DPP10: variants seen among roughly 807,000 people sequenced by gnomAD.
The protein encoded by DPP10 is inactive dipeptidyl peptidase 10.
Under a neutral mutation model 120.9 loss-of-function variants are expected in DPP10, and 33 were observed. That is an observed-to-expected ratio of 0.27 (90% CI 0.21 to 0.37). The LOEUF is 0.37. Among genes scored for constraint, DPP10 ranks in the 10% least tolerant of loss-of-function variants. The pLI is 1.00. For missense variants in DPP10, 816 were observed against 942.8 expected, an observed-to-expected ratio of 0.87 and a Z score of 1.76; for synonymous variants, 337 against 326.1, an observed-to-expected ratio of 1.03 and a Z score of -0.36.
chr2:115,689,924 A>G lies in DPP10; in HGVS notation c.576+3A>G. ...GGGGTGTCCAAGGGCAGCAGCTGGT[A>G]AGCGCAGGCATTGGTATGCACTGAA... On this transcript the variant is annotated splice_donor_region_variant and intron_variant, in intron 7 of 25. Coordinates refer to ENST00000410059, the MANE Select transcript of DPP10 (RefSeq NM_020868.6). 1 of 1,613,840 alleles carries G rather than the reference A, an allele frequency of 6.2e-7. No individual in the cohort carries two copies. The highest frequency in any genetic ancestry group is 8.5e-7 in the Non-Finnish European group (1 of 1,179,898).
chr2:114,828,489 T>C (rs2106385187), intron 1 of DPP10: 1 of 152,334 alleles, frequency 6.6e-6, no homozygotes, highest in African/African-American at 2.4e-5. Flanking sequence ...ATGCTTGTGG[T>C]AGAACTACAA....
intron 5 of DPP10, among the ~76,000 whole-genome samples, chr2:115,562,396 A>G (rs2080746100): frequency 6.6e-6 from 1 of 152,162 alleles, no homozygotes; most frequent in African/African-American, 2.4e-5. Context: ...TCAGATGATC[A>G]TTTAAAGGTT....
intron 1 of DPP10, among the ~76,000 whole-genome samples, chr2:115,291,879 T>G (rs1232805761): frequency 1.3e-5 from 2 of 152,092 alleles, no homozygotes; most frequent in Non-Finnish European, 2.9e-5. Context: ...AAAAATCTAT[T>G]ACATGGTTTA....
chr2:115,416,191 CA>C (rs1254339846), intron 3 of DPP10, among the ~76,000 whole-genome samples: 2 of 152,152 alleles, frequency 1.3e-5, no homozygotes, highest in African/African-American at 4.8e-5. Flanking sequence ...GGCTGTCAAG[CA>C]GACATTTTTC....
At chr2:115,298,233 GA>G (rs1252035308) in intron 1 of DPP10, among the ~76,000 whole-genome samples, 1 of 152,034 alleles carries the variant, frequency 6.6e-6, no homozygotes. Context: ...AACACGTATG[GA>G]GGAAGATTCA....
At chr2:115,460,963 T>G (rs2105069956) in intron 3 of DPP10, among the ~76,000 whole-genome samples, 1 of 152,290 alleles carries the variant, frequency 6.6e-6, no homozygotes, top group Non-Finnish European at 1.5e-5. Context: ...CTCGTTATAT[T>G]TCAGAGTTAT....
intron 1 of DPP10, among the ~76,000 whole-genome samples, chr2:115,221,754 G>GTTTTTTTTTTTT (rs56077672): frequency 6.6e-4 from 79 of 120,136 alleles, no homozygotes; most frequent in Non-Finnish European, 1.1e-3. Context: ...GTTTGTTTCT[G>GTTTTTTTTTTTT]TTTTTTTTTT....
intron 1 of DPP10, among the ~76,000 whole-genome samples, chr2:115,024,989 C>A (rs987542939): frequency 6.6e-6 from 1 of 151,190 alleles, no homozygotes; most frequent in East Asian, 1.9e-4. Context: ...TGATCTTTAA[C>A]ATATACATAT....
At chr2:115,316,557 G>C (rs915141763) in intron 2 of DPP10, among the ~76,000 whole-genome samples, 2 of 152,214 alleles carry the variant, frequency 1.3e-5, no homozygotes, top group South Asian at 4.2e-4. Context: ...GTTGAAAATC[G>C]TAAGTGTAAA....
At position 115,605,547 on chromosome 2, in the gene DPP10, G is replaced by A. The variant is rs553354233; in HGVS notation, c.441+79575G>A. Among the ~76,000 whole-genome samples, 6 of 152,034 alleles carry A rather than the reference G, an allele frequency of 3.9e-5. No individual in the cohort carries two copies. In the South Asian group the frequency reaches 6.2e-4, roughly 16 times the overall value. The stretch of plus-strand genomic sequence containing the variant: ...GTACTCGGCATTTGATCTTAATTTC[G>A]CTTTTTTTACAGTGTAGAATGAACT... On this transcript the variant is annotated intron_variant, in intron 5 of 25. Transcript: ENST00000410059.
rs150959091 is a variant in DPP10 at position 115,079,811 on chromosome 2, C to CA, written c.61-229421dup. Among the ~76,000 whole-genome samples, 949 of 151,882 alleles carry CA rather than the reference C, an allele frequency of 6.2e-3. 4 individuals carry two copies. Among genetic ancestry groups the CA allele is most frequent in the Non-Finnish European group, 1.0e-2 (676 of 67,928 alleles). On this transcript the variant is annotated intron_variant, in intron 1 of 25. Transcript: ENST00000410059. ...CTTGATGAACAGATAGAGAAGTCTG[C>CA]AAAAAAAGGTCAACAGAGAAATGGC...
At chr2:115,072,525 G>GAATC (rs1420000495) in intron 1 of DPP10, among the ~76,000 whole-genome samples, 1 of 152,128 alleles carries the variant, frequency 6.6e-6, no homozygotes, top group Non-Finnish European at 1.5e-5. Flanking sequence ...AGCCAATTAT[G>GAATC]AATCTATCTT....
intron 1 of DPP10, among the ~76,000 whole-genome samples, chr2:114,474,703 A>G (rs1680226445): frequency 1.3e-5 from 2 of 152,216 alleles, no homozygotes; most frequent in Admixed American, 1.3e-4. Flanking sequence ...AAAGGTAAGT[A>G]CTGTACATAT....
intron 1 of DPP10, among the ~76,000 whole-genome samples, chr2:114,677,750 G>A (rs761892985): frequency 1.3e-5 from 2 of 152,110 alleles, no homozygotes; most frequent in South Asian, 2.1e-4. Flanking sequence ...GAATGCATTA[G>A]ATGAATTTGT....
At chr2:115,177,723 G>T (rs1032016751) in intron 1 of DPP10, among the ~76,000 whole-genome samples, 1 of 151,870 alleles carries the variant, frequency 6.6e-6, no homozygotes. Flanking sequence ...TGTTTATTTT[G>T]AAGTGTATAA....
intron 7 of DPP10, among the ~76,000 whole-genome samples, chr2:115,720,352 A>G (rs1179646736): frequency 2.6e-5 from 4 of 152,214 alleles, no homozygotes; most frequent in African/African-American, 9.6e-5. Flanking sequence ...TCAAGATTTT[A>G]AAGAGTAATT....
At chr2:115,556,856 A>G (rs1030510143) in intron 5 of DPP10, among the ~76,000 whole-genome samples, 1 of 152,158 alleles carries the variant, frequency 6.6e-6, no homozygotes, top group African/African-American at 2.4e-5. Context: ...TTTATACACC[A>G]TAGTAAAGTT....
At position 115,069,444 on chromosome 2, in the gene DPP10, T is replaced by C. The variant is rs140421060; in HGVS notation, c.61-239795T>C. ...GTTCTAACACTTTTTCAATAGAGCC[T>C]TTAAAGTTTTTCCATATATACAGTC... On this transcript the variant is annotated intron_variant, in intron 1 of 25. Transcript: ENST00000410059. 9.3e-3 allele frequency among the ~76,000 whole-genome samples: 1,409 copies of C among 152,224 alleles called. 10 individuals carry two copies. The highest frequency in any genetic ancestry group is 0.024 in the Middle Eastern group (7 of 294).
At chr2:114,465,333 A>G (rs571184640) in intron 1 of DPP10, among the ~76,000 whole-genome samples, 8 of 152,088 alleles carry the variant, frequency 5.3e-5, no homozygotes, top group African/African-American at 1.9e-4. Flanking sequence ...TGTGCTCCAC[A>G]TTTTCTTTCA....
Sources: allele counts gnomAD v4.1 joint callset (sites outside exome capture counted in the v4.1 genomes callset), GRCh38; gene constraint gnomAD v4.1.1; transcripts MANE v1.5; gene names NCBI Gene and HGNC (gene_info 2026-07-23, HGNC 2026-07-21).